The following PYGB variants were observed in gnomAD, a reference collection of about 807,000 sequenced individuals.
The protein encoded by PYGB is glycogen phosphorylase B, also known as glycogen phosphorylase, brain form.
PYGB carries 82 observed loss-of-function variants against 94.3 expected under a neutral mutation model. That is an observed-to-expected ratio of 0.87 (90% CI 0.73 to 1.04). The LOEUF (loss-of-function observed/expected upper bound fraction) is 1.04, where lower values mean the gene tolerates loss of function less well. Among genes scored for constraint, PYGB ranks in the 50% least tolerant of loss-of-function variants. PYGB has a pLI of 0.00. For synonymous variants in PYGB, 488 were observed against 479.1 expected, an observed-to-expected ratio of 1.02 and a Z score of -0.24; for missense variants, 1,132 against 1,158.2, an observed-to-expected ratio of 0.98 and a Z score of 0.33.
rs201487903 is a variant in PYGB at position 25,297,511 on chromosome 20, C to T, written c.*989C>T. On this transcript the variant is annotated 3_prime_UTR_variant, in exon 20 of 20. Coordinates refer to ENST00000216962, the MANE Select transcript of PYGB (RefSeq NM_002862.4). ...CCCTCCCTTTCCACCAGTGCCACAG[C>T]CTCGTCTGGAAAAAGGACCAGGGGT... 375 of 152,464 alleles carry T rather than the reference C, an allele frequency of 2.5e-3. 1 individual carries two copies. The highest frequency in any genetic ancestry group is 4.6e-3 in the Admixed American group (71 of 15,304). 9.4% of individuals were successfully genotyped at this position (152,464 alleles called of 1,614,324 possible). A position where few individuals can be genotyped will look rare whatever the true frequency, so the allele number is the denominator to read the frequency against.
chr20:25,252,084 A>G (rs2084691867), intron 1 of PYGB, among the ~76,000 whole-genome samples: 2 of 152,352 alleles, frequency 1.3e-5, no homozygotes, highest in South Asian at 4.1e-4. Context: ...TTATGTGTGA[A>G]GTTGAGCTTG....
chr20:25,272,836 G>A (rs73612664), intron 4 of PYGB, among the ~76,000 whole-genome samples: 4,872 of 152,298 alleles, frequency 0.032, 102 homozygotes, highest in Middle Eastern at 0.095. Flanking sequence ...CCCATGTCAC[G>A]TGTGGGTTTA....
chr20:25,289,374 G>C (rs1294938373), intron 15 of PYGB, among the ~76,000 whole-genome samples: 1 of 152,338 alleles, frequency 6.6e-6, no homozygotes, highest in East Asian at 1.9e-4. Context: ...GGCTGGGCAC[G>C]GTGTCTCACG....
At chr20:25,282,209 C>T in intron 12 of PYGB, 62 bp downstream of exon 12, 3 of 1,368,330 alleles carry the variant, frequency 2.2e-6, no homozygotes, top group Non-Finnish European at 3.0e-6. Flanking sequence ...CGGGCCATGT[C>T]ATCAGCCCCT....
Position 25,276,722 on chromosome 20 carries a change from C to A in PYGB, c.737C>A (p.Ser246Tyr). The part of the protein sequence containing the change: ...NNTVNTMRLW[S>Y]AKAPNDFKLQ... ...ACCGTCAACACCATGCGGCTGTGGT[C>A]CGCCAAGGCTCCCAACGACTTCAAG... is the stretch of plus-strand genomic sequence containing the variant. The change falls in exon 6 of 20, where the codon TCC (serine) becomes TAC (tyrosine). Residue 246 changes from serine (S) to tyrosine (Y), a missense_variant. Coordinates refer to ENST00000216962, the MANE Select transcript of PYGB (RefSeq NM_002862.4). The A allele has an allele frequency of 6.2e-7, 1 of 1,614,028 alleles. No homozygotes were observed. The highest frequency in any genetic ancestry group is 8.5e-7 in the Non-Finnish European group (1 of 1,179,912).
Position 25,268,073 on chromosome 20 carries a change from T to C in PYGB, c.346-1056T>C, listed in dbSNP as rs1194251379. 3.3e-5 allele frequency among the ~76,000 whole-genome samples: 5 copies of C among 152,150 alleles called. No individual in the cohort carries two copies. The East Asian group carries it at 9.6e-4, about 29-fold the overall frequency. On this transcript the variant is annotated intron_variant, in intron 2 of 19. Coordinates refer to ENST00000216962, the MANE Select transcript of PYGB (RefSeq NM_002862.4). Reference sequence around the variant, plus strand: ...GGTTGGTTAAGTTTAGACCATAAACTTAGAAGTTTTCTGGTCGGTTATGTT... The same window carrying C: ...GGTTGGTTAAGTTTAGACCATAAACCTAGAAGTTTTCTGGTCGGTTATGTT...
intron 2 of PYGB, among the ~76,000 whole-genome samples, chr20:25,260,158 C>T (rs1323967354): frequency 1.3e-5 from 2 of 152,202 alleles, no homozygotes; most frequent in East Asian, 3.9e-4. Flanking sequence ...GCAACAAAAA[C>T]TTCACTCCGC....
Position 25,288,134 on chromosome 20 carries a change from C to G in PYGB, c.1769-291C>G, listed in dbSNP as rs943321369. The G allele has an allele frequency of 9.2e-6, 5 of 542,682 alleles. No homozygotes were observed. In the South Asian group the frequency reaches 9.5e-5, roughly 10 times the overall value. The allele number at this position is 542,682 out of a possible 1,614,324, so 33.6% of individuals were successfully genotyped here. On this transcript the variant is annotated intron_variant, in intron 14 of 19. Transcript: ENST00000216962. Reference sequence around the variant, plus strand: ...AGCCCCGGGGAATAGCATCTTTGCTCGAGTCAGCTGCTGGGTTCGTCCATG... The same window carrying G: ...AGCCCCGGGGAATAGCATCTTTGCTGGAGTCAGCTGCTGGGTTCGTCCATG...
chr20:25,296,418 G>A lies in PYGB; in HGVS notation c.2428G>A (p.Gly810Ser), dbSNP rs967014750. The change falls in exon 20 of 20, where the codon GGC (glycine) becomes AGC (serine). Residue 810 changes from glycine to serine, a missense_variant. Coordinates refer to ENST00000216962, the MANE Select transcript of PYGB (RefSeq NM_002862.4). ...GGTCATCAGGAACATCGCCTGCTCG[G>A]GCAAGTTCTCCAGTGACCGGACCAT... ...KKVIRNIACS[G>S]KFSSDRTITE... is the part of the protein sequence containing the mutation. 6.2e-7 allele frequency: 1 copy of A among 1,613,916 alleles called. No homozygotes were observed. The highest frequency in any genetic ancestry group is 1.7e-5 in the Admixed American group (1 of 60,004).
chr20:25,248,336 T>A lies in PYGB; in HGVS notation c.158T>A (p.Phe53Tyr), dbSNP rs768227063. The change falls in exon 1 of 20, where the codon TTC becomes TAC. Residue 53 changes from phenylalanine (F) to tyrosine (Y), a missense_variant. Transcript: ENST00000216962. ...AATGTGGCCACGCCCCGCGACTACTTCTTCGCGCTGGCGCACACGGTGCGC... is the reference window on the plus strand; with the variant it reads ...AATGTGGCCACGCCCCGCGACTACTACTTCGCGCTGGCGCACACGGTGCGC... The part of the protein sequence containing the change: ...DRNVATPRDY[F>Y]FALAHTVRDH... 8 of 1,603,550 alleles carry A rather than the reference T, an allele frequency of 5.0e-6. No homozygotes were observed. In the East Asian group the frequency reaches 1.4e-4, roughly 27 times the overall value.
chr20:25,259,283 A>G lies in PYGB; in HGVS notation c.290A>G (p.Gln97Arg). 1.2e-6 allele frequency: 2 copies of G among 1,612,690 alleles called. No individual in the cohort carries two copies. The highest frequency in any genetic ancestry group is 1.7e-6 in the Non-Finnish European group (2 of 1,178,628). The change falls in exon 2 of 20, where the codon CAG becomes CGG. Residue 97 changes from glutamine (Q) to arginine (R), a missense_variant. Transcript: ENST00000216962. ...SLEFYMGRTL[Q>R]NTMVNLGLQN... The stretch of plus-strand genomic sequence containing the variant: ...GAATTCTACATGGGTCGCACGCTGC[A>G]GAACACGATGGTGAACCTGGGCCTT...
chr20:25,292,266 G>T (rs559599649), intron 16 of PYGB, 140 bp from the exon 17 acceptor site: 2 of 982,626 alleles, frequency 2.0e-6, no homozygotes, highest in Non-Finnish European at 3.0e-6. Context: ...GAGCGGGAGT[G>T]GGGGCTGGAG....
intron 16 of PYGB, among the ~76,000 whole-genome samples, chr20:25,291,427 G>T (rs369289938): frequency 1.2e-4 from 19 of 152,144 alleles, no homozygotes; most frequent in African/African-American, 1.7e-4. Flanking sequence ...CCAGGCTGCC[G>T]CAGGTGAGAG....
chr20:25,269,038 A>G (rs2088243085), intron 2 of PYGB, 91 bp from the exon 3 acceptor site: 1 of 1,132,522 alleles, frequency 8.8e-7, no homozygotes, highest in South Asian at 1.3e-5. Flanking sequence ...AACTTTTAGC[A>G]TAAGCTCACA....
intron 4 of PYGB, among the ~76,000 whole-genome samples, chr20:25,273,068 G>T (rs1486932350): frequency 6.6e-6 from 1 of 152,232 alleles, no homozygotes; most frequent in Non-Finnish European, 1.5e-5. Flanking sequence ...GATTCAGTGG[G>T]TTTTTAGTTG....
At chr20:25,276,924 C>A (rs2088317476) in intron 6 of PYGB, among the ~76,000 whole-genome samples, 167 bp downstream of exon 6, 1 of 152,030 alleles carries the variant, frequency 6.6e-6, no homozygotes, top group African/African-American at 2.4e-5. Flanking sequence ...GTGCAGCTTA[C>A]CTGTGTGTGG....
At chr20:25,258,432 C>G (rs1176092154) in intron 1 of PYGB, among the ~76,000 whole-genome samples, 3 of 152,194 alleles carry the variant, frequency 2.0e-5, no homozygotes, top group African/African-American at 7.2e-5. Context: ...TGGTTAAAAC[C>G]ACCAAAGCAA....
chr20:25,297,203 TG>T lies in PYGB; in HGVS notation c.*684del, dbSNP rs1354195071. On this transcript the variant is annotated 3_prime_UTR_variant, in exon 20 of 20. Coordinates refer to ENST00000216962, the MANE Select transcript of PYGB (RefSeq NM_002862.4). ...GGGATGACTGAGGGGGACACTGGAG[TG>T]GGTGCTTGTGTCTGCTGTCTCAGAG... The T allele has an allele frequency of 6.6e-6, 1 of 152,236 alleles. No homozygotes were observed. The highest frequency in any genetic ancestry group is 2.4e-5 in the African/African-American group (1 of 41,400). The allele number at this position is 152,236 out of a possible 1,614,324, so 9.4% of individuals were successfully genotyped here.
In PYGB at chr20:25,277,226, C is replaced by T. The variant is rs199693969; in HGVS notation, c.773-18C>T. On this transcript the variant is annotated intron_variant, in intron 6 of 19. Transcript: ENST00000216962. ...CCAGGAGGCATGTGTGTGTTGACCC[C>T]GCTCCATTTCTTCTTAGTCAACGTG... 3.7e-5 allele frequency: 57 copies of T among 1,535,554 alleles called. No homozygotes were observed. The highest frequency in any genetic ancestry group is 2.0e-4 in the Admixed American group (12 of 59,852).
Sources: allele counts gnomAD v4.1 joint callset (sites outside exome capture counted in the v4.1 genomes callset), GRCh38; gene constraint gnomAD v4.1.1; transcripts MANE v1.5; gene names NCBI Gene and HGNC (gene_info 2026-07-23, HGNC 2026-07-21).